TANGO6: variants seen among roughly 807,000 people sequenced by gnomAD.
TANGO6 encodes the protein transport and golgi organization 6 homolog.
In TANGO6, 90 loss-of-function variants were observed where a neutral mutation model predicts 114.2. The observed-to-expected ratio is 0.79, with a 90% CI of 0.66 to 0.94. TANGO6 has a LOEUF of 0.94. Ranked by LOEUF, TANGO6 falls within the 40% of genes least tolerant of loss-of-function variation. The pLI is 0.00. For synonymous variants in TANGO6, 477 were observed against 509.8 expected (o/e 0.94, Z 0.87); for missense variants, 1,274 against 1,315.3 (o/e 0.97, Z 0.49).
chr16:68,868,225 G>T (rs1010526868), intron 4 of TANGO6, among the ~76,000 whole-genome samples: 1 of 151,538 alleles, frequency 6.6e-6, no homozygotes, highest in African/African-American at 2.4e-5. Context: ...TTGGGATGAA[G>T]TTTTAGAGTC....
chr16:68,907,194 G>A (rs912688439), intron 9 of TANGO6, among the ~76,000 whole-genome samples: 2 of 144,944 alleles, frequency 1.4e-5, no homozygotes, highest in Admixed American at 7.4e-5. Flanking sequence ...TTATCCTCCC[G>A]CCTTGGCCTC....
At chr16:68,852,302 C>G (rs1961914498) in intron 1 of TANGO6, among the ~76,000 whole-genome samples, 1 of 152,102 alleles carries the variant, frequency 6.6e-6, no homozygotes, top group Non-Finnish European at 1.5e-5. Context: ...CAACAAACAC[C>G]TGTTATGGGA....
At chr16:68,941,759 G>C (rs1174511545) in intron 14 of TANGO6, among the ~76,000 whole-genome samples, 1 of 151,714 alleles carries the variant, frequency 6.6e-6, no homozygotes, top group African/African-American at 2.4e-5. Context: ...GAAAAAAAAA[G>C]ACAACTTAGG....
At chr16:69,040,922 C>G (rs1360840205) in intron 17 of TANGO6, among the ~76,000 whole-genome samples, 2 of 151,718 alleles carry the variant, frequency 1.3e-5, no homozygotes, top group African/African-American at 4.9e-5. Context: ...CAGCGTATGG[C>G]CAATACAGGA....
chr16:68,983,382 T>C (rs1963859580), intron 15 of TANGO6, among the ~76,000 whole-genome samples: 1 of 152,212 alleles, frequency 6.6e-6, no homozygotes, highest in South Asian at 2.1e-4. Context: ...TTATTTTTTT[T>C]TTCTTAATCC....
At chr16:68,979,713 A>G (rs1336985080) in intron 15 of TANGO6, among the ~76,000 whole-genome samples, 1 of 152,140 alleles carries the variant, frequency 6.6e-6, no homozygotes, top group Non-Finnish European at 1.5e-5. Context: ...CATTTATTCA[A>G]TTGATAAGGT....
At position 69,001,483 on chromosome 16, in the gene TANGO6, GCT is replaced by G. The variant is rs76729160; in HGVS notation, c.2843-21342_2843-21341del. Among the ~76,000 whole-genome samples the G allele has an allele frequency of 7.4e-3, 1,122 of 152,050 alleles. 44 individuals are homozygous for G. In the East Asian group the frequency reaches 0.11, roughly 15 times the overall value. ...TTTTTCTTTGTGCCTATTATTTACA[GCT>G]CTTTTATATAAACATCACACATACA... On this transcript the variant is annotated intron_variant, in intron 15 of 17. Transcript: ENST00000261778.
intron 16 of TANGO6, among the ~76,000 whole-genome samples, chr16:69,024,940 T>C (rs1298666878): frequency 6.6e-6 from 1 of 152,162 alleles, no homozygotes; most frequent in Non-Finnish European, 1.5e-5. Flanking sequence ...CTTGAGTAGC[T>C]AGGATTACAG....
chr16:68,987,424 A>G (rs988984515), intron 15 of TANGO6, among the ~76,000 whole-genome samples: 3 of 152,298 alleles, frequency 2.0e-5, no homozygotes, highest in South Asian at 4.1e-4. Context: ...GCTGGCATGC[A>G]GTAGCATGAT....
At chr16:68,869,746 G>A (rs1009519428) in intron 4 of TANGO6, among the ~76,000 whole-genome samples, 1 of 152,108 alleles carries the variant, frequency 6.6e-6, no homozygotes, top group African/African-American at 2.4e-5. Context: ...TATGGAAATG[G>A]CATTTAAACT....
At chr16:69,056,576 C>CAA (rs535868428) in intron 17 of TANGO6, among the ~76,000 whole-genome samples, 4 of 129,044 alleles carry the variant, frequency 3.1e-5, no homozygotes, top group African/African-American at 2.8e-5. Flanking sequence ...AGTCCTGCAG[C>CAA]AAAAAAAAAA....
At chr16:69,080,287 G>A (rs149100461) in intron 17 of TANGO6, among the ~76,000 whole-genome samples, 1 of 152,126 alleles carries the variant, frequency 6.6e-6, no homozygotes, top group African/African-American at 2.4e-5. Context: ...CTTTAAAAAG[G>A]TAAGGGAAGG....
intron 9 of TANGO6, among the ~76,000 whole-genome samples, 175 bp from the exon 10 acceptor site, chr16:68,907,268 A>C (rs758936069): frequency 5.1e-4 from 78 of 152,194 alleles, no homozygotes; most frequent in Non-Finnish European, 1.1e-3. Context: ...AGTTTCTGAT[A>C]ATCAATACTT....
At chr16:68,926,387 G>C (rs1347335141) in intron 12 of TANGO6, among the ~76,000 whole-genome samples, 1 of 151,512 alleles carries the variant, frequency 6.6e-6, no homozygotes, top group Admixed American at 6.6e-5. Context: ...CCAGCTACTC[G>C]GGAGGCTGAG....
intron 7 of TANGO6, among the ~76,000 whole-genome samples, chr16:68,885,100 C>G (rs1962522152): frequency 6.6e-6 from 1 of 152,146 alleles, no homozygotes; most frequent in African/African-American, 2.4e-5. Flanking sequence ...TAACTTTCTG[C>G]TAATACTAAA....
chr16:69,001,110 T>C (rs915749311), intron 15 of TANGO6, among the ~76,000 whole-genome samples: 1 of 152,242 alleles, frequency 6.6e-6, no homozygotes, highest in Non-Finnish European at 1.5e-5. Context: ...TTTAATTTCT[T>C]TAATGTAAGA....
intron 11 of TANGO6, among the ~76,000 whole-genome samples, chr16:68,914,878 GTTTT>G (rs112117841): frequency 1.4e-5 from 2 of 141,244 alleles, no homozygotes; most frequent in Non-Finnish European, 3.1e-5. Context: ...AGTTCCCTGG[GTTTT>G]TTTTTTTTTA....
chr16:68,892,156 A>G (rs1038811056), intron 7 of TANGO6, among the ~76,000 whole-genome samples: 5 of 152,222 alleles, frequency 3.3e-5, no homozygotes, highest in Non-Finnish European at 7.3e-5. Context: ...TTAAAAACCA[A>G]CTGCTGCCTT....
chr16:69,071,802 T>C (rs926042879), intron 17 of TANGO6, among the ~76,000 whole-genome samples: 2 of 152,222 alleles, frequency 1.3e-5, no homozygotes, highest in African/African-American at 4.8e-5. Flanking sequence ...GTCAAGCTCA[T>C]TGAAAGAGTC....
Sources: allele counts gnomAD v4.1 joint callset (sites outside exome capture counted in the v4.1 genomes callset), GRCh38; gene constraint gnomAD v4.1.1; transcripts MANE v1.5; gene names NCBI Gene and HGNC (gene_info 2026-07-23, HGNC 2026-07-21).